Variants in TGFBRAP1 observed in about 807,000 individuals in gnomAD.
TGFBRAP1 encodes the protein transforming growth factor beta receptor associated protein 1.
In TGFBRAP1, 20 loss-of-function variants were observed where a neutral mutation model predicts 83.2. The observed-to-expected ratio is 0.24, with a 90% CI of 0.17 to 0.35. The LOEUF (loss-of-function observed/expected upper bound fraction) is 0.35, where lower values mean the gene tolerates loss of function less well. Among genes scored for constraint, TGFBRAP1 ranks in the 10% least tolerant of loss-of-function variants. The pLI is 1.00. For missense variants in TGFBRAP1, 950 were observed against 1,099.4 expected (o/e 0.86, Z 1.92); for synonymous variants, 415 against 459.8 (o/e 0.90, Z 1.25).
the TGFBRAP1 span, among the ~76,000 whole-genome samples, chr2:105,253,409 A>G: frequency 6.6e-6 from 1 of 152,104 alleles, no homozygotes; most frequent in African/African-American, 2.4e-5. Flanking sequence ...CTGGGATTAC[A>G]GGTGTGAGCC....
chr2:105,306,662 G>C (rs1678509332), intron 2 of TGFBRAP1, among the ~76,000 whole-genome samples: 1 of 152,098 alleles, frequency 6.6e-6, no homozygotes, highest in Non-Finnish European at 1.5e-5. Context: ...GCCAGGCATG[G>C]TGGTGCATGC....
chr2:105,309,834 G>A (rs1470405729), intron 1 of TGFBRAP1, among the ~76,000 whole-genome samples: 1 of 152,164 alleles, frequency 6.6e-6, no homozygotes, highest in Non-Finnish European at 1.5e-5. Flanking sequence ...AGTGTTGGGA[G>A]GTGGGGAGGT....
At chr2:105,254,196 TA>T in the TGFBRAP1 span, among the ~76,000 whole-genome samples, 2 of 152,308 alleles carry the variant, frequency 1.3e-5, no homozygotes, top group African/African-American at 4.8e-5. Flanking sequence ...GGTGCCATAA[TA>T]AAATCGCTTT....
At chr2:105,316,460 T>TGTGTGCGCGCGC (rs1553408361) in intron 1 of TGFBRAP1, among the ~76,000 whole-genome samples, 9 of 66,932 alleles carry the variant, frequency 1.3e-4, no homozygotes, top group Non-Finnish European at 2.4e-4. Flanking sequence ...TGTGTGTGTG[T>TGTGTGCGCGCGC]GTGCGCGCGC....
intron 3 of TGFBRAP1, among the ~76,000 whole-genome samples, chr2:105,297,498 A>T (rs962360044): frequency 2.0e-5 from 3 of 152,212 alleles, no homozygotes; most frequent in African/African-American, 7.2e-5. Context: ...TAATGGCAGG[A>T]ACTGTGAGTC....
At chr2:105,285,092 G>C (rs550819092) in intron 4 of TGFBRAP1, among the ~76,000 whole-genome samples, 3 of 152,292 alleles carry the variant, frequency 2.0e-5, no homozygotes, top group East Asian at 1.9e-4. Flanking sequence ...TCCTCGTCTT[G>C]CCATTGTCTA....
chr2:105,264,596 A>G lies in TGFBRAP1; in HGVS notation c.*2787T>C, dbSNP rs926115036. 1 of 152,270 alleles carries G rather than the reference A, an allele frequency of 6.6e-6. No individual in the cohort carries two copies. The allele number at this position is 152,270 out of a possible 1,614,324, so 9.4% of individuals were successfully genotyped here. A position where few individuals can be genotyped will look rare whatever the true frequency, so the allele number is the denominator to read the frequency against. ...GCAAGCAAAAAGCAAGGGCTGCCCC[A>G]GTTGCATCATGGGCATCCATTCAGA... On this transcript the variant is annotated 3_prime_UTR_variant, in exon 12 of 12. Coordinates refer to ENST00000393359, the MANE Select transcript of TGFBRAP1 (RefSeq NM_004257.6).
rs1017795699 is a variant in TGFBRAP1, at chr2:105,284,224, A to G, written c.1121+92T>C. 1.2e-5 allele frequency: 15 copies of G among 1,219,048 alleles called. No homozygotes were observed. In the African/African-American group the frequency reaches 2.2e-4, roughly 18 times the overall value. The allele number at this position is 1,219,048 out of a possible 1,614,324, so 75.5% of individuals were successfully genotyped here. ...ACCTGAAGCACAATCTAACCATGCA[A>G]CACATCCCACCGCGACGTCACACCA... On this transcript the variant is annotated intron_variant, in intron 5 of 11. Transcript: ENST00000393359.
Position 105,272,984 on chromosome 2 carries a change from G to A in TGFBRAP1, c.1843C>T (p.Leu615=), listed in dbSNP as rs771474393. 6.2e-7 allele frequency: 1 copy of A among 1,613,608 alleles called. No individual in the cohort carries two copies. The highest frequency in any genetic ancestry group is 8.5e-7 in the Non-Finnish European group (1 of 1,179,990). Residue 615 remains leucine, a synonymous_variant, in exon 10 of 12, where the codon CTG becomes TTG. Coordinates refer to ENST00000393359, the MANE Select transcript of TGFBRAP1 (RefSeq NM_004257.6). ...TGCAGCAGCACCTCTTCCAGGTACA[G>A]CACAGCTAAGTGGGTGTGATACTCT... The part of the protein sequence containing the change: ...KEEYHTHLAV[L]YLEEVLLQRA...
chr2:105,282,902 C>T (rs1029359273), intron 5 of TGFBRAP1, among the ~76,000 whole-genome samples: 1 of 151,954 alleles, frequency 6.6e-6, no homozygotes, highest in Non-Finnish European at 1.5e-5. Context: ...TAAAGTTAAG[C>T]CATTAAGAGA....
intron 1 of TGFBRAP1, among the ~76,000 whole-genome samples, chr2:105,317,449 A>G (rs1393038127): frequency 3.9e-5 from 6 of 152,070 alleles, no homozygotes; most frequent in Admixed American, 1.3e-4. Context: ...AAAAAAAAAA[A>G]GAAAGCTAGA....
chr2:105,307,348 C>T (rs1678536288), intron 2 of TGFBRAP1, among the ~76,000 whole-genome samples: 1 of 152,158 alleles, frequency 6.6e-6, no homozygotes, highest in African/African-American at 2.4e-5. Flanking sequence ...GAGAATATCC[C>T]CACTTCCCGG....
chr2:105,252,338 C>G, the TGFBRAP1 span, among the ~76,000 whole-genome samples: 2 of 152,192 alleles, frequency 1.3e-5, no homozygotes, highest in African/African-American at 2.4e-5. Flanking sequence ...TGCTTTGAAA[C>G]TATCTGAAAC....
chr2:105,258,579 T>C, the TGFBRAP1 span, among the ~76,000 whole-genome samples: 1 of 152,064 alleles, frequency 6.6e-6, no homozygotes, highest in East Asian at 1.9e-4. Flanking sequence ...TTCTCAGGCC[T>C]TCAGACTTGG....
chr2:105,255,239 CT>C, the TGFBRAP1 span, among the ~76,000 whole-genome samples: 1 of 152,194 alleles, frequency 6.6e-6, no homozygotes, highest in South Asian at 2.1e-4. Context: ...CTTGCTGACC[CT>C]AGAGGACAGA....
intron 8 of TGFBRAP1, 22 bp from the exon 9 acceptor site, chr2:105,273,712 A>T (rs1166097244): frequency 6.2e-7 from 1 of 1,611,392 alleles, no homozygotes; most frequent in East Asian, 2.2e-5. Flanking sequence ...GCGACAATAC[A>T]GTGACTGTGC....
intron 1 of TGFBRAP1, among the ~76,000 whole-genome samples, chr2:105,311,117 T>C (rs1235147290): frequency 4.4e-5 from 6 of 135,160 alleles, no homozygotes; most frequent in African/African-American, 1.7e-4. Context: ...CTGGGGTAGA[T>C]AGAGAAGGGG....
chr2:105,257,899 G>GT, the TGFBRAP1 span, among the ~76,000 whole-genome samples: 3 of 152,138 alleles, frequency 2.0e-5, no homozygotes, highest in East Asian at 5.8e-4. Flanking sequence ...AGACCTGTTG[G>GT]TTTTTTCATC....
intron 4 of TGFBRAP1, among the ~76,000 whole-genome samples, chr2:105,285,730 G>A (rs1677695237): frequency 6.6e-6 from 1 of 152,234 alleles, no homozygotes; most frequent in Non-Finnish European, 1.5e-5. Context: ...ACTCTCAGAA[G>A]CATAGCAACC....
Sources: allele counts gnomAD v4.1 joint callset (sites outside exome capture counted in the v4.1 genomes callset), GRCh38; gene constraint gnomAD v4.1.1; transcripts MANE v1.5; gene names NCBI Gene and HGNC (gene_info 2026-07-23, HGNC 2026-07-21).